PXDNL: variants seen among roughly 807,000 people sequenced by gnomAD.
PXDNL encodes the protein peroxidasin like.
Under a neutral mutation model 150.8 loss-of-function variants are expected in PXDNL, and 145 were observed. The observed-to-expected ratio is 0.96, with a 90% CI of 0.84 to 1.10. The LOEUF (loss-of-function observed/expected upper bound fraction) is 1.10, where lower values mean the gene tolerates loss of function less well. Ranked by LOEUF, PXDNL falls within the 50% of genes least tolerant of loss-of-function variation. The pLI is 0.00. For synonymous variants in PXDNL, 757 were observed against 725.7 expected, an observed-to-expected ratio of 1.04 and a Z score of -0.69; for missense variants, 2,087 against 1,873.9, an observed-to-expected ratio of 1.11 and a Z score of -2.10.
At chr8:51,732,881 A>T (rs1440465811) in intron 1 of PXDNL, among the ~76,000 whole-genome samples, 1 of 152,150 alleles carries the variant, frequency 6.6e-6, no homozygotes, top group Non-Finnish European at 1.5e-5. Context: ...CCCTCCCATG[A>T]TGTGTGGGAA....
chr8:51,639,234 C>G (rs1814683292), intron 2 of PXDNL, among the ~76,000 whole-genome samples: 1 of 151,972 alleles, frequency 6.6e-6, no homozygotes, highest in Non-Finnish European at 1.5e-5. Flanking sequence ...CACTAAATGC[C>G]CACAAGAGAA....
rs373901006 is a variant in PXDNL, at chr8:51,434,406, G to T, written c.1526-7648C>A. 3.3e-5 allele frequency among the ~76,000 whole-genome samples: 5 copies of T among 152,158 alleles called. No homozygotes were observed. In the East Asian group the frequency reaches 9.7e-4, roughly 29 times the overall value. On this transcript the variant is annotated intron_variant, in intron 12 of 22. Transcript: ENST00000356297. ...CATTTTTCTGGCCCTATGCCTTGTT[G>T]CTTCTTCATCACACTTAACACTCTC... is the stretch of plus-strand genomic sequence containing the variant.
chr8:51,625,349 C>A (rs1814342434), intron 2 of PXDNL, among the ~76,000 whole-genome samples: 1 of 152,174 alleles, frequency 6.6e-6, no homozygotes. Context: ...GCCCCTGTGA[C>A]TTCTAAACAT....
chr8:51,621,130 T>A (rs1232492421), intron 2 of PXDNL, among the ~76,000 whole-genome samples: 1 of 152,184 alleles, frequency 6.6e-6, no homozygotes. Flanking sequence ...ATCAAGTATA[T>A]CTGTATTCAA....
At chr8:51,676,976 G>T (rs765133663) in intron 1 of PXDNL, among the ~76,000 whole-genome samples, 14 of 152,266 alleles carry the variant, frequency 9.2e-5, no homozygotes, top group South Asian at 8.3e-4. Context: ...GAAGAAAAAC[G>T]AACCAGAGAG....
chr8:51,809,324 G>A lies in PXDNL; in HGVS notation c.21C>T (p.Cys7=). The change falls in exon 1 of 23, where the codon TGC becomes TGT. Residue 7 remains cysteine (C), a synonymous_variant. Transcript: ENST00000356297. MEPRLF[C]WTTLFLLAGW... is the part of the protein sequence containing the mutation. ...CGGCCAGGAGAAAGAGAGTGGTCCA[G>A]CAGAACAGTCTGGGCTCCATCGCTC... 1 of 1,562,942 alleles carries A rather than the reference G, an allele frequency of 6.4e-7. No homozygotes were observed. Among genetic ancestry groups the A allele is most frequent in the Non-Finnish European group, 8.7e-7 (1 of 1,153,784 alleles).
intron 4 of PXDNL, among the ~76,000 whole-genome samples, chr8:51,540,474 T>G (rs1228560464): frequency 6.6e-6 from 1 of 152,202 alleles, no homozygotes; most frequent in South Asian, 2.1e-4. Flanking sequence ...CCTTATAATG[T>G]CTTCTTTGAC....
intron 1 of PXDNL, among the ~76,000 whole-genome samples, chr8:51,712,376 T>G (rs1231020299): frequency 6.6e-6 from 1 of 152,172 alleles, no homozygotes; most frequent in Non-Finnish European, 1.5e-5. Context: ...TCTACTTTCA[T>G]TTTTTCTTTT....
At chr8:51,632,252 T>C (rs760212029) in intron 2 of PXDNL, among the ~76,000 whole-genome samples, 13 of 152,046 alleles carry the variant, frequency 8.6e-5, no homozygotes, top group Admixed American at 5.9e-4. Flanking sequence ...TAAATAACAA[T>C]ATAGAGGACT....
chr8:51,418,532 G>A (rs1219652232), intron 14 of PXDNL, among the ~76,000 whole-genome samples: 2 of 152,162 alleles, frequency 1.3e-5, no homozygotes, highest in Non-Finnish European at 2.9e-5. Context: ...GGATTAAAAT[G>A]TCAAATAATT....
At chr8:51,520,993 G>A (rs1167687625) in intron 4 of PXDNL, among the ~76,000 whole-genome samples, 1 of 152,178 alleles carries the variant, frequency 6.6e-6, no homozygotes, top group Non-Finnish European at 1.5e-5. Context: ...TGGGTGGGAG[G>A]AGGCGGAGTT....
intron 1 of PXDNL, among the ~76,000 whole-genome samples, chr8:51,706,013 A>C (rs1010233053): frequency 1.3e-5 from 2 of 152,256 alleles, no homozygotes; most frequent in Non-Finnish European, 2.9e-5. Flanking sequence ...CACGAAGATG[A>C]AAATAGCTAA....
At chr8:51,747,637 G>A (rs773154577) in intron 1 of PXDNL, among the ~76,000 whole-genome samples, 1 of 152,144 alleles carries the variant, frequency 6.6e-6, no homozygotes. Context: ...AAGGGGACTG[G>A]CAGAGCTAGG....
At chr8:51,612,343 A>C (rs1814026765) in intron 2 of PXDNL, among the ~76,000 whole-genome samples, 1 of 152,140 alleles carries the variant, frequency 6.6e-6, no homozygotes, top group African/African-American at 2.4e-5. Flanking sequence ...GAGATATTTA[A>C]TCCCTACCTA....
At chr8:51,673,719 C>T (rs1161822381) in intron 1 of PXDNL, among the ~76,000 whole-genome samples, 8 of 152,112 alleles carry the variant, frequency 5.3e-5, no homozygotes, top group Admixed American at 2.0e-4. Flanking sequence ...CCCTTAACTG[C>T]GCAAACCAAG....
At chr8:51,428,514 A>C (rs1809169668) in intron 12 of PXDNL, among the ~76,000 whole-genome samples, 1 of 152,248 alleles carries the variant, frequency 6.6e-6, no homozygotes, top group Non-Finnish European at 1.5e-5. Flanking sequence ...AATACGGGAG[A>C]CACAGACACA....
intron 1 of PXDNL, among the ~76,000 whole-genome samples, chr8:51,753,630 G>A (rs1473672605): frequency 6.6e-6 from 1 of 152,154 alleles, no homozygotes; most frequent in African/African-American, 2.4e-5. Context: ...TTTGCCTGAA[G>A]CAAGCAGAAT....
At chr8:51,403,045 G>A (rs1365927500) in intron 17 of PXDNL, among the ~76,000 whole-genome samples, 2 of 141,934 alleles carry the variant, frequency 1.4e-5, no homozygotes, top group South Asian at 2.2e-4. Context: ...AGCTGAGATC[G>A]CCACTGCACT....
intron 2 of PXDNL, among the ~76,000 whole-genome samples, chr8:51,607,890 A>AAGGAAGGAAGGAAGGAAGGATGGG (rs1813873974): frequency 8.5e-6 from 1 of 117,706 alleles, no homozygotes; most frequent in African/African-American, 3.7e-5. Context: ...GGAAGGAAGG[A>AAGGAAGGAAGGAAGGAAGGATGGG]AGGAAGGTGG....
Sources: gnomAD v4.1 joint callset for allele counts (sites outside exome capture counted in the v4.1 genomes callset) on GRCh38, gnomAD v4.1.1 for gene constraint, MANE v1.5 for transcripts, NCBI Gene and HGNC (gene_info 2026-07-23, HGNC 2026-07-21) for gene names.